UBE3D: variants seen among roughly 807,000 people sequenced by gnomAD.
The protein encoded by UBE3D is E3 ubiquitin-protein ligase E3D.
UBE3D carries 48 observed loss-of-function variants against 49.6 expected under a neutral mutation model. The ratio of observed to expected loss-of-function variants is 0.97; its 90% confidence interval spans 0.77 to 1.23. The LOEUF is 1.23. Among genes scored for constraint, UBE3D ranks in the 50% most tolerant of loss-of-function variants. The pLI is 0.00. For missense variants in UBE3D, 452 were observed against 468.4 expected (o/e 0.96, Z 0.32); for synonymous variants, 189 against 174.2 (o/e 1.08, Z -0.67).
chr6:82,982,833 T>A (rs1778205110), intron 8 of UBE3D, among the ~76,000 whole-genome samples: 1 of 152,190 alleles, frequency 6.6e-6, no homozygotes, highest in South Asian at 2.1e-4. Context: ...AATCTGCCTA[T>A]GAAAAAACTT....
intron 9 of UBE3D, chr6:82,925,235 C>T (rs1015038657): frequency 4.6e-5 from 7 of 152,122 alleles, no homozygotes; most frequent in Admixed American, 2.0e-4. Flanking sequence ...GGAATATAAA[C>T]CAAAGTCACC....
the UBE3D span, among the ~76,000 whole-genome samples, chr6:82,881,017 C>T: frequency 6.6e-6 from 1 of 152,184 alleles, no homozygotes; most frequent in African/African-American, 2.4e-5. Context: ...TCTGTCATGA[C>T]TTACTTGCCT....
chr6:83,009,166 C>T (rs564770903), intron 8 of UBE3D, among the ~76,000 whole-genome samples: 1 of 152,162 alleles, frequency 6.6e-6, no homozygotes, highest in South Asian at 2.1e-4. Flanking sequence ...AGCAAAATAA[C>T]CACTTCCTTT....
chr6:83,023,999 G>T lies in UBE3D; in HGVS notation c.707C>A (p.Ser236Ter). 6.5e-7 allele frequency: 1 copy of T among 1,536,198 alleles called. No individual in the cohort carries two copies. Among genetic ancestry groups the T allele is most frequent in the South Asian group, 1.3e-5 (1 of 75,406 alleles). ...KFYMTEIIIQSSERSFPIIPR... is the reference protein window; with the variant it reads ...KFYMTEIIIQ Reference sequence around the variant, plus strand: ...TATGATAGGAAAACTCCTCTCAGATGACTGAATAATTATCTCTGTCATATA... The same window carrying T: ...TATGATAGGAAAACTCCTCTCAGATTACTGAATAATTATCTCTGTCATATA... The change falls in exon 6 of 10, where the codon TCA becomes TAA. Residue 236 changes from serine (S) to a stop codon, truncating the protein, a stop_gained. Coordinates refer to ENST00000369747, the MANE Select transcript of UBE3D (RefSeq NM_198920.3). LOFTEE classifies it high-confidence loss of function.
intron 5 of UBE3D, among the ~76,000 whole-genome samples, chr6:83,031,441 T>A (rs930833738): frequency 6.6e-6 from 1 of 152,238 alleles, no homozygotes; most frequent in Non-Finnish European, 1.5e-5. Context: ...CCTGCTTGCA[T>A]CTTGCATCAG....
chr6:82,888,468 T>G (rs1210706407), downstream of UBE3D, among the ~76,000 whole-genome samples: 4 of 152,060 alleles, frequency 2.6e-5, no homozygotes, highest in Admixed American at 2.0e-4. Context: ...AATAAAAATA[T>G]TGAAATATTT....
intron 8 of UBE3D, among the ~76,000 whole-genome samples, chr6:82,972,558 T>C (rs1777429830): frequency 2.0e-5 from 3 of 152,184 alleles, no homozygotes; most frequent in Admixed American, 2.0e-4. Context: ...TCTAGTAGAG[T>C]TGATTTTAAG....
At chr6:82,898,053 A>G (rs1554181288) in intron 9 of UBE3D, among the ~76,000 whole-genome samples, 1 of 150,724 alleles carries the variant, frequency 6.6e-6, no homozygotes, top group Non-Finnish European at 1.5e-5. Context: ...GAAGACACTG[A>G]TGTAGCCAAC....
At chr6:83,048,946 A>T (rs1783270444) in intron 3 of UBE3D, among the ~76,000 whole-genome samples, 1 of 152,152 alleles carries the variant, frequency 6.6e-6, no homozygotes, top group Admixed American at 6.5e-5. Flanking sequence ...AAACAGTGAA[A>T]CGATTTCCTG....
chr6:82,917,414 A>G (rs1479298175), intron 9 of UBE3D, among the ~76,000 whole-genome samples: 1 of 151,956 alleles, frequency 6.6e-6, no homozygotes, highest in Non-Finnish European at 1.5e-5. Flanking sequence ...AGGAAGGAAC[A>G]CTCTCGGACA....
Position 83,044,547 on chromosome 6 carries a change from C to A in UBE3D, c.478G>T (p.Asp160Tyr). 1.9e-6 allele frequency: 3 copies of A among 1,614,146 alleles called. No homozygotes were observed. The highest frequency in any genetic ancestry group is 2.5e-6 in the Non-Finnish European group (3 of 1,180,008). Residue 160 changes from aspartate (D) to tyrosine (Y), a missense_variant, in exon 4 of 10, where the codon GAC becomes TAC. Physicochemically the swap from Asp to Tyr is radical, Grantham distance 160. Transcript: ENST00000369747. ...ANKSLHPQENDCFIGDSFFLV... is the reference protein window; with the variant it reads ...ANKSLHPQENYCFIGDSFFLV... The stretch of plus-strand genomic sequence containing the variant: ...AAGAAAGAGTCTCCAATAAAACAGT[C>A]ATTCTCTTGCGGATGAAGTGATTTA...
At chr6:83,007,012 A>G (rs1301636914) in intron 8 of UBE3D, among the ~76,000 whole-genome samples, 1 of 152,210 alleles carries the variant, frequency 6.6e-6, no homozygotes, top group Admixed American at 6.5e-5. Flanking sequence ...AAAGACAACT[A>G]CTAATACTAT....
intron 8 of UBE3D, among the ~76,000 whole-genome samples, chr6:83,010,188 TTTTAAG>T (rs1272259291): frequency 6.6e-6 from 1 of 152,110 alleles, no homozygotes; most frequent in Non-Finnish European, 1.5e-5. Flanking sequence ...TGTATTAAAA[TTTTAAG>T]GTTAATCACG....
the UBE3D span, among the ~76,000 whole-genome samples, chr6:82,881,175 G>A: frequency 6.6e-6 from 1 of 152,172 alleles, no homozygotes; most frequent in Non-Finnish European, 1.5e-5. Flanking sequence ...AGAGAATCCT[G>A]CATGTATGAG....
chr6:82,959,770 G>GT (rs1007736417), intron 8 of UBE3D, among the ~76,000 whole-genome samples: 6 of 136,442 alleles, frequency 4.4e-5, no homozygotes, highest in African/African-American at 1.4e-4. Flanking sequence ...CCTAAGGAAT[G>GT]TAAGGCCTGC....
intron 8 of UBE3D, among the ~76,000 whole-genome samples, chr6:82,989,278 C>G (rs932319809): frequency 1.3e-5 from 2 of 152,036 alleles, no homozygotes; most frequent in Non-Finnish European, 2.9e-5. Context: ...GGAGGCTGTC[C>G]AGATAGCCAC....
At chr6:82,979,241 T>G (rs1777944191) in intron 8 of UBE3D, among the ~76,000 whole-genome samples, 1 of 152,188 alleles carries the variant, frequency 6.6e-6, no homozygotes, top group South Asian at 2.1e-4. Context: ...TAGATAATCC[T>G]TTGCAATGTT....
At chr6:82,945,823 T>C (rs552382034) in intron 9 of UBE3D, among the ~76,000 whole-genome samples, 1 of 152,138 alleles carries the variant, frequency 6.6e-6, no homozygotes, top group South Asian at 2.1e-4. Flanking sequence ...TAGATTGAAC[T>C]AATTAAAAAG....
intron 5 of UBE3D, chr6:83,032,403 T>C (rs1035961861): frequency 9.9e-5 from 38 of 385,336 alleles, no homozygotes; most frequent in South Asian, 6.6e-4. Context: ...TTTAGCCCCT[T>C]TGATTTGGCC....
Sources: allele counts gnomAD v4.1 joint callset (sites outside exome capture counted in the v4.1 genomes callset), GRCh38; gene constraint gnomAD v4.1.1; transcripts MANE v1.5; gene names NCBI Gene and HGNC (gene_info 2026-07-23, HGNC 2026-07-21).